GABRB1: variants seen among roughly 807,000 people sequenced by gnomAD.
GABRB1 encodes gamma-aminobutyric acid type A receptor subunit beta1.
GABRB1 carries 17 observed loss-of-function variants against 51.6 expected under a neutral mutation model. The observed-to-expected ratio is 0.33, with a 90% CI of 0.23 to 0.49. The LOEUF (loss-of-function observed/expected upper bound fraction) is 0.49, where lower values mean the gene tolerates loss of function less well. GABRB1 is among the 20% of genes least tolerant of loss of function. The probability of loss-of-function intolerance (pLI) is 0.99; values close to 1 mark genes in which losing one functional copy is unlikely to be tolerated. For missense variants in GABRB1, 410 were observed against 600.6 expected (o/e 0.68, Z 3.32); for synonymous variants, 247 against 218.9 (o/e 1.13, Z -1.14).
At chr4:47,281,699 G>T (rs951443427) in intron 4 of GABRB1, among the ~76,000 whole-genome samples, 3 of 152,078 alleles carry the variant, frequency 2.0e-5, no homozygotes, top group Non-Finnish European at 2.9e-5. Flanking sequence ...ATACACAATG[G>T]AATATTATTT....
intron 1 of GABRB1, among the ~76,000 whole-genome samples, chr4:47,026,092 A>G (rs1472196984): frequency 3.3e-5 from 5 of 151,990 alleles, no homozygotes; most frequent in African/African-American, 4.8e-5. Context: ...AGGTGGGAGG[A>G]TCTCTTGAAT....
chr4:47,297,197 G>T (rs1246371211), intron 4 of GABRB1, among the ~76,000 whole-genome samples: 1 of 150,910 alleles, frequency 6.6e-6, no homozygotes, highest in African/African-American at 2.4e-5. Flanking sequence ...ACAATTAAAA[G>T]AACTAGAAAA....
At chr4:47,292,017 G>T (rs1197691766) in intron 4 of GABRB1, among the ~76,000 whole-genome samples, 1 of 152,180 alleles carries the variant, frequency 6.6e-6, no homozygotes, top group African/African-American at 2.4e-5. Context: ...TTTGGGAGAG[G>T]CCAGGGGTGG....
intron 1 of GABRB1, among the ~76,000 whole-genome samples, chr4:47,008,585 C>T (rs1243083474): frequency 6.6e-6 from 1 of 150,558 alleles, no homozygotes; most frequent in Non-Finnish European, 1.5e-5. Context: ...GCCTCAGCCT[C>T]CCGGGTAGCT....
chr4:47,425,959 T>G lies in GABRB1; in HGVS notation c.1366T>G (p.Phe456Val). The change falls in exon 9 of 9, where the codon TTT (phenylalanine) becomes GTT (valine). Residue 456 changes from phenylalanine (F) to valine (V), a missense_variant. Phe to Val is a conservative substitution (Grantham distance 50). Coordinates refer to ENST00000295454, the MANE Select transcript of GABRB1 (RefSeq NM_000812.4). ...VNSIDKWSRM[F>V]FPITFSLFNV... ...TTCCATAGACAAGTGGTCCCGAATG[T>G]TTTTCCCCATCACCTTTTCTCTTTT... 6.2e-7 allele frequency: 1 copy of G among 1,612,420 alleles called. No individual in the cohort carries two copies. The highest frequency in any genetic ancestry group is 1.1e-5 in the South Asian group (1 of 90,870).
chr4:47,061,895 C>T (rs145270104), intron 3 of GABRB1, among the ~76,000 whole-genome samples: 2 of 152,230 alleles, frequency 1.3e-5, no homozygotes, highest in East Asian at 3.9e-4. Context: ...TTCAGTTTAG[C>T]GCCTCTTAAA....
At chr4:47,394,826 C>G (rs1414420359) in intron 5 of GABRB1, among the ~76,000 whole-genome samples, 1 of 151,698 alleles carries the variant, frequency 6.6e-6, no homozygotes, top group Non-Finnish European at 1.5e-5. Context: ...ATCTCATGGG[C>G]ATGGTGAATT....
chr4:47,080,291 G>T (rs1254179792), intron 3 of GABRB1, among the ~76,000 whole-genome samples: 1 of 114,260 alleles, frequency 8.8e-6, no homozygotes. Flanking sequence ...AGATCCCAAA[G>T]AATGAAGAAA....
chr4:47,224,140 G>T (rs1389838876), intron 4 of GABRB1, among the ~76,000 whole-genome samples: 1 of 150,584 alleles, frequency 6.6e-6, no homozygotes. Context: ...AGAATGAAAA[G>T]CCCTCTCACC....
intron 4 of GABRB1, among the ~76,000 whole-genome samples, chr4:47,269,393 A>T (rs1044296221): frequency 6.6e-6 from 1 of 152,208 alleles, no homozygotes; most frequent in Non-Finnish European, 1.5e-5. Context: ...CAAAACAGAA[A>T]ACAGAATTTC....
intron 4 of GABRB1, among the ~76,000 whole-genome samples, chr4:47,176,054 C>G (rs1718682514): frequency 6.6e-6 from 1 of 152,066 alleles, no homozygotes; most frequent in Admixed American, 6.6e-5. Flanking sequence ...AAATGCATTT[C>G]TAAATGAACG....
intron 1 of GABRB1, among the ~76,000 whole-genome samples, chr4:47,025,677 A>C (rs1392891163): frequency 6.6e-6 from 1 of 151,984 alleles, no homozygotes; most frequent in Admixed American, 6.6e-5. Context: ...ATTAATGAAG[A>C]ATATGTATTT....
chr4:47,333,218 A>C (rs1268542996), intron 5 of GABRB1, among the ~76,000 whole-genome samples: 1 of 73,762 alleles, frequency 1.4e-5, no homozygotes, highest in African/African-American at 5.5e-5. Context: ...ATATATATAT[A>C]TATATATATA....
At chr4:47,340,243 G>A (rs1478401765) in intron 5 of GABRB1, among the ~76,000 whole-genome samples, 1 of 151,968 alleles carries the variant, frequency 6.6e-6, no homozygotes, top group African/African-American at 2.4e-5. Context: ...AAGGATCTCG[G>A]GGAAGCTCCT....
At chr4:47,057,570 T>C (rs1260217241) in intron 3 of GABRB1, among the ~76,000 whole-genome samples, 1 of 152,206 alleles carries the variant, frequency 6.6e-6, no homozygotes, top group African/African-American at 2.4e-5. Flanking sequence ...CCTGTGCACA[T>C]GCAGTACCAC....
At chr4:47,126,055 A>G (rs1716126420) in intron 3 of GABRB1, among the ~76,000 whole-genome samples, 1 of 151,760 alleles carries the variant, frequency 6.6e-6, no homozygotes, top group African/African-American at 2.4e-5. Flanking sequence ...TGTGTATTGC[A>G]TTGTATGTGT....
chr4:47,023,720 C>G (rs2109454801), intron 1 of GABRB1, among the ~76,000 whole-genome samples: 1 of 151,994 alleles, frequency 6.6e-6, no homozygotes, highest in East Asian at 1.9e-4. Flanking sequence ...TGTAAATAAT[C>G]ACAATAAATG....
At chr4:47,138,340 A>G (rs1443956207) in intron 3 of GABRB1, among the ~76,000 whole-genome samples, 1 of 152,060 alleles carries the variant, frequency 6.6e-6, no homozygotes, top group Non-Finnish European at 1.5e-5. Flanking sequence ...CGATCAATGT[A>G]GTTGATGTAC....
chr4:47,324,570 A>G (rs1725185806), intron 5 of GABRB1, among the ~76,000 whole-genome samples: 1 of 152,088 alleles, frequency 6.6e-6, no homozygotes, highest in Non-Finnish European at 1.5e-5. Flanking sequence ...CTTTCAACCC[A>G]CTGCAATCTG....
Sources: allele counts gnomAD v4.1 joint callset (sites outside exome capture counted in the v4.1 genomes callset), GRCh38; gene constraint gnomAD v4.1.1; transcripts MANE v1.5; gene names NCBI Gene and HGNC (gene_info 2026-07-23, HGNC 2026-07-21).